TMC1: variants seen among roughly 807,000 people sequenced by gnomAD.
The protein encoded by TMC1 is transmembrane channel-like protein 1.
In TMC1, 84 loss-of-function variants were observed where a neutral mutation model predicts 105.8. That is an observed-to-expected ratio of 0.79 (90% CI 0.67 to 0.95). TMC1 has a LOEUF of 0.95. TMC1 is among the 40% of genes least tolerant of loss of function. The probability of loss-of-function intolerance (pLI) is 0.00; values close to 1 mark genes in which losing one functional copy is unlikely to be tolerated. For synonymous variants in TMC1, 315 were observed against 311.5 expected, an observed-to-expected ratio of 1.01 and a Z score of -0.12; for missense variants, 817 against 914.1, an observed-to-expected ratio of 0.89 and a Z score of 1.37.
chr9:72,546,984 CT>C (rs1404073270), intron 1 of TMC1, among the ~76,000 whole-genome samples: 2 of 152,040 alleles, frequency 1.3e-5, no homozygotes, highest in Non-Finnish European at 1.5e-5. Flanking sequence ...ATCCGTGAAT[CT>C]TTTTTAAAAT....
At chr9:72,805,039 C>T (rs568505933) in intron 17 of TMC1, among the ~76,000 whole-genome samples, 1 of 152,218 alleles carries the variant, frequency 6.6e-6, no homozygotes, top group Non-Finnish European at 1.5e-5. Context: ...GCACTTTTTC[C>T]ACATTTGTCT....
intron 2 of TMC1, among the ~76,000 whole-genome samples, chr9:72,610,168 C>G (rs1825000259): frequency 6.6e-6 from 1 of 152,012 alleles, no homozygotes; most frequent in South Asian, 2.1e-4. Flanking sequence ...AGTTGAAGCT[C>G]CAAGTATTAC....
At chr9:72,627,212 C>T (rs1024654233) in intron 3 of TMC1, among the ~76,000 whole-genome samples, 2 of 152,168 alleles carry the variant, frequency 1.3e-5, no homozygotes, top group African/African-American at 4.8e-5. Flanking sequence ...CTTAATGCCT[C>T]TCTGCAGGAG....
chr9:72,558,730 T>G (rs182889112), intron 1 of TMC1, among the ~76,000 whole-genome samples: 1 of 152,314 alleles, frequency 6.6e-6, no homozygotes, highest in Non-Finnish European at 1.5e-5. Context: ...TTTAAAGCAC[T>G]TTACAAATAT....
intron 13 of TMC1, among the ~76,000 whole-genome samples, chr9:72,780,438 A>T (rs1828077300): frequency 6.6e-6 from 1 of 152,216 alleles, no homozygotes; most frequent in African/African-American, 2.4e-5. Context: ...AACGGGCTAA[A>T]TGCCACATTC....
At chr9:72,823,618 A>G (rs1272698915) in intron 20 of TMC1, among the ~76,000 whole-genome samples, 2 of 152,206 alleles carry the variant, frequency 1.3e-5, no homozygotes, top group South Asian at 2.1e-4. Flanking sequence ...AATTATTCCA[A>G]TAGGCTAGTA....
At chr9:72,585,036 C>T (rs910943717) in intron 2 of TMC1, among the ~76,000 whole-genome samples, 8 of 151,882 alleles carry the variant, frequency 5.3e-5, no homozygotes, top group Non-Finnish European at 1.2e-4. Context: ...CTGCACACCT[C>T]GACCTCCCAA....
At chr9:72,588,972 G>C (rs1326558224) in intron 2 of TMC1, among the ~76,000 whole-genome samples, 1 of 152,102 alleles carries the variant, frequency 6.6e-6, no homozygotes, top group African/African-American at 2.4e-5. Flanking sequence ...GTTTCTCCAT[G>C]TTGGTCAGGC....
intron 18 of TMC1, among the ~76,000 whole-genome samples, chr9:72,811,719 G>C (rs147451507): frequency 6.6e-6 from 1 of 152,150 alleles, no homozygotes; most frequent in African/African-American, 2.4e-5. Context: ...TCGTAAGTGA[G>C]AGCCGAACAG....
intron 2 of TMC1, among the ~76,000 whole-genome samples, chr9:72,596,318 T>C (rs1824719558): frequency 6.6e-6 from 1 of 152,168 alleles, no homozygotes; most frequent in East Asian, 1.9e-4. Context: ...AAGGGAACAA[T>C]GGCTCTGGAA....
At chr9:72,751,676 G>T (rs979839224) in intron 10 of TMC1, among the ~76,000 whole-genome samples, 174 bp from the exon 11 acceptor site, 1 of 152,154 alleles carries the variant, frequency 6.6e-6, no homozygotes, top group Non-Finnish European at 1.5e-5. Context: ...CTTCCATCAT[G>T]ATTAACATTT....
intron 2 of TMC1, among the ~76,000 whole-genome samples, chr9:72,592,294 A>C (rs1824652353): frequency 6.6e-6 from 1 of 152,258 alleles, no homozygotes; most frequent in Non-Finnish European, 1.5e-5. Flanking sequence ...GGATACATCA[A>C]GCAGGAACAT....
chr9:72,534,248 C>G (rs919893767), intron 1 of TMC1, among the ~76,000 whole-genome samples: 2 of 152,208 alleles, frequency 1.3e-5, no homozygotes, highest in Non-Finnish European at 2.9e-5. Flanking sequence ...CTTGTTCTCT[C>G]TCTTCTCCAA....
intron 1 of TMC1, among the ~76,000 whole-genome samples, chr9:72,528,335 ATT>A (rs555613729): frequency 4.2e-5 from 6 of 141,344 alleles, no homozygotes; most frequent in East Asian, 4.1e-4. Flanking sequence ...TAAGTTCATG[ATT>A]TTTTTTTTTT....
At chr9:72,806,628 G>T (rs191623719) in intron 18 of TMC1, among the ~76,000 whole-genome samples, 1 of 150,960 alleles carries the variant, frequency 6.6e-6, no homozygotes, top group Admixed American at 6.6e-5. Context: ...AGACGGGGTC[G>T]CAGCCGGGCA....
At chr9:72,555,147 GGA>G (rs1823908864) in intron 1 of TMC1, among the ~76,000 whole-genome samples, 1 of 151,594 alleles carries the variant, frequency 6.6e-6, no homozygotes, top group South Asian at 2.1e-4. Flanking sequence ...CCAAAGTGCT[GGA>G]GTTACAGCCA....
intron 8 of TMC1, among the ~76,000 whole-genome samples, chr9:72,719,594 A>G (rs995351726): frequency 3.3e-5 from 5 of 152,140 alleles, no homozygotes; most frequent in African/African-American, 1.2e-4. Flanking sequence ...TGGTCTGTGG[A>G]TTCTCTTGAC....
At chr9:72,535,322 T>G (rs1255762065) in intron 1 of TMC1, among the ~76,000 whole-genome samples, 1 of 152,198 alleles carries the variant, frequency 6.6e-6, no homozygotes, top group Non-Finnish European at 1.5e-5. Context: ...AGTTTGGATT[T>G]CTCCCGAAAA....
intron 3 of TMC1, among the ~76,000 whole-genome samples, chr9:72,626,033 A>G (rs1825341370): frequency 6.6e-6 from 1 of 152,184 alleles, no homozygotes; most frequent in Non-Finnish European, 1.5e-5. Context: ...AGGCCACTGC[A>G]TAGAGTGATT....
Sources: allele counts gnomAD v4.1 joint callset (sites outside exome capture counted in the v4.1 genomes callset), GRCh38; gene constraint gnomAD v4.1.1; transcripts MANE v1.5; gene names NCBI Gene and HGNC (gene_info 2026-07-23, HGNC 2026-07-21).